The following NEDD9 variants were observed in gnomAD, a reference collection of about 807,000 sequenced individuals.
NEDD9 encodes the protein neural precursor cell expressed, developmentally down-regulated 9.
Under a neutral mutation model 76.6 loss-of-function variants are expected in NEDD9, and 26 were observed. The ratio of observed to expected loss-of-function variants is 0.34; its 90% CI spans 0.25 to 0.47. The LOEUF is 0.47. Ranked by LOEUF, NEDD9 falls within the 20% of genes least tolerant of loss-of-function variation. The probability of loss-of-function intolerance (pLI) is 1.00; values close to 1 mark genes in which losing one functional copy is unlikely to be tolerated. For missense variants in NEDD9, 937 were observed against 1,058.5 expected, an observed-to-expected ratio of 0.89 and a Z score of 1.59; for synonymous variants, 392 against 414.2, an observed-to-expected ratio of 0.95 and a Z score of 0.65.
intron 1 of NEDD9, among the ~76,000 whole-genome samples, chr6:11,368,824 C>G (rs1762810431): frequency 6.6e-6 from 1 of 152,162 alleles, no homozygotes; most frequent in African/African-American, 2.4e-5. Context: ...TACATCCCTT[C>G]TCTTTTATGA....
At chr6:11,325,599 A>T in intron 2 of NEDD9, among the ~76,000 whole-genome samples, 1 of 152,214 alleles carries the variant, frequency 6.6e-6, no homozygotes, top group African/African-American at 2.4e-5. Flanking sequence ...TTAGAGTGGC[A>T]TTAAATAGCG....
intron 1 of NEDD9, among the ~76,000 whole-genome samples, chr6:11,363,623 G>A (rs922152195): frequency 6.6e-6 from 1 of 152,120 alleles, no homozygotes; most frequent in Non-Finnish European, 1.5e-5. Flanking sequence ...GGAATGAAAG[G>A]CTCCATCTTC....
At chr6:11,210,088 T>C (rs1758731655) in intron 2 of NEDD9, among the ~76,000 whole-genome samples, 1 of 150,850 alleles carries the variant, frequency 6.6e-6, no homozygotes, top group South Asian at 2.1e-4. Context: ...TCCCAAATCA[T>C]AATCAGATTG....
intron 3 of NEDD9, among the ~76,000 whole-genome samples, chr6:11,284,820 TAA>T (rs963601294): frequency 1.3e-5 from 2 of 150,392 alleles, no homozygotes; most frequent in African/African-American, 4.9e-5. Flanking sequence ...TAAAACTTGC[TAA>T]GATTTATATA....
chr6:11,349,551 A>G (rs1483538881), intron 1 of NEDD9, among the ~76,000 whole-genome samples: 2 of 152,276 alleles, frequency 1.3e-5, no homozygotes, highest in Non-Finnish European at 2.9e-5. Flanking sequence ...CTGGATAAAG[A>G]AAATGTGGTA....
intron 2 of NEDD9, among the ~76,000 whole-genome samples, chr6:11,211,948 A>G (rs897567118): frequency 2.0e-5 from 2 of 100,056 alleles, no homozygotes; most frequent in Non-Finnish European, 4.3e-5. Flanking sequence ...CCAGCCAAAC[A>G]CTAAGGGCTC....
At chr6:11,226,275 G>A (rs1759306490) in intron 1 of NEDD9, among the ~76,000 whole-genome samples, 1 of 152,064 alleles carries the variant, frequency 6.6e-6, no homozygotes, top group Non-Finnish European at 1.5e-5. Context: ...GTGTGTGTGT[G>A]TCCCCTTTTC....
intron 1 of NEDD9, among the ~76,000 whole-genome samples, chr6:11,339,700 C>T (rs1477212874): frequency 6.6e-6 from 1 of 152,202 alleles, no homozygotes; most frequent in East Asian, 1.9e-4. Context: ...TATTCATTGC[C>T]TTCCTGTGAC....
chr6:11,365,728 G>A (rs1472959936), intron 1 of NEDD9, among the ~76,000 whole-genome samples: 2 of 152,180 alleles, frequency 1.3e-5, no homozygotes, highest in Non-Finnish European at 2.9e-5. Flanking sequence ...AGTGGCTCAC[G>A]CCTGTAATCC....
intron 1 of NEDD9, among the ~76,000 whole-genome samples, chr6:11,337,678 T>A (rs1192486697): frequency 6.6e-6 from 1 of 152,252 alleles, no homozygotes; most frequent in African/African-American, 2.4e-5. Context: ...ACTCCGTCCC[T>A]GGCTCTCAGT....
chr6:11,280,405 C>G (rs1341860337), intron 3 of NEDD9, among the ~76,000 whole-genome samples: 1 of 152,190 alleles, frequency 6.6e-6, no homozygotes, highest in Non-Finnish European at 1.5e-5. Context: ...TGCATGGACC[C>G]TGGATTGACT....
intron 3 of NEDD9, among the ~76,000 whole-genome samples, chr6:11,298,216 T>C (rs1258175611): frequency 1.3e-5 from 2 of 152,166 alleles, no homozygotes; most frequent in African/African-American, 2.4e-5. Context: ...CCCCAGTCCA[T>C]ATTTTTAACC....
At chr6:11,300,198 A>G (rs973077151) in intron 3 of NEDD9, among the ~76,000 whole-genome samples, 3 of 152,262 alleles carry the variant, frequency 2.0e-5, no homozygotes, top group African/African-American at 4.8e-5. Flanking sequence ...CCACGGCATG[A>G]GAACTTCATG....
intron 3 of NEDD9, among the ~76,000 whole-genome samples, chr6:11,276,497 T>C (rs1001373641): frequency 6.6e-6 from 1 of 152,178 alleles, no homozygotes; most frequent in Non-Finnish European, 1.5e-5. Flanking sequence ...ATGGAATTCC[T>C]AGGGCCTAGA....
chr6:11,330,018 T>C (rs115262431), intron 2 of NEDD9, among the ~76,000 whole-genome samples: 6 of 152,214 alleles, frequency 3.9e-5, no homozygotes, highest in South Asian at 2.1e-4. Context: ...TGCTGTCCGA[T>C]GTGGGAGCTA....
At chr6:11,358,109 G>A (rs897719416) in intron 1 of NEDD9, among the ~76,000 whole-genome samples, 3 of 151,998 alleles carry the variant, frequency 2.0e-5, no homozygotes, top group East Asian at 3.9e-4. Context: ...TTAGCCGGGC[G>A]TGCGTGCTGC....
At chr6:11,257,678 GAGCCTGGCCC>G (rs960506753) in intron 3 of NEDD9, among the ~76,000 whole-genome samples, 27 of 152,232 alleles carry the variant, frequency 1.8e-4, no homozygotes, top group African/African-American at 6.3e-4. Context: ...TGCAGCAGAA[GAGCCTGGCCC>G]AGGCAAAACT....
chr6:11,224,534 G>A (rs749218770), intron 1 of NEDD9, among the ~76,000 whole-genome samples: 3 of 152,014 alleles, frequency 2.0e-5, no homozygotes, highest in African/African-American at 2.4e-5. Flanking sequence ...GTGGTAGTGC[G>A]ACTGTACCAC....
At chr6:11,325,314 C>T (rs1216686558) in intron 2 of NEDD9, among the ~76,000 whole-genome samples, 2 of 149,398 alleles carry the variant, frequency 1.3e-5, no homozygotes, top group African/African-American at 2.5e-5. Context: ...GAGATCATGC[C>T]ACTGCACTCC....
Sources: gnomAD v4.1 joint callset for allele counts (sites outside exome capture counted in the v4.1 genomes callset) on GRCh38, gnomAD v4.1.1 for gene constraint, MANE v1.5 for transcripts, NCBI Gene and HGNC (gene_info 2026-07-23, HGNC 2026-07-21) for gene names.